The following WRN variants were observed in gnomAD, a reference collection of about 807,000 sequenced individuals.
WRN encodes the protein WRN RecQ like helicase, also known as bifunctional 3'-5' exonuclease/ATP-dependent helicase WRN.
A neutral mutation model predicts 180.7 loss-of-function variants in WRN; 149 were observed. The ratio of observed to expected loss-of-function variants is 0.82; its 90% CI spans 0.72 to 0.94. The LOEUF (loss-of-function observed/expected upper bound fraction) is 0.94, where lower values mean the gene tolerates loss of function less well. WRN is among the 40% of genes least tolerant of loss of function. The pLI is 0.00. For synonymous variants in WRN, 548 were observed against 568.9 expected (o/e 0.96, Z 0.52); for missense variants, 1,661 against 1,700.1 (o/e 0.98, Z 0.40).
intron 21 of WRN, 71 bp from the exon 22 acceptor site, chr8:31,124,451 A>G (rs1015900264): frequency 5.8e-6 from 7 of 1,197,582 alleles, no homozygotes; most frequent in Admixed American, 5.6e-5. Flanking sequence ...ACAGTAAAAA[A>G]TAAGTAAAAA....
Position 31,173,246 on chromosome 8 carries a change from T to A in WRN, c.*144T>A. 1 of 811,136 alleles carries A rather than the reference T, an allele frequency of 1.2e-6. No homozygotes were observed. The highest frequency in any genetic ancestry group is 2.0e-6 in the Non-Finnish European group (1 of 495,240). The allele number at this position is 811,136 out of a possible 1,614,324, so 50.2% of individuals were successfully genotyped here. A position where few individuals can be genotyped will look rare whatever the true frequency, so the allele number is the denominator to read the frequency against. On this transcript the variant is annotated 3_prime_UTR_variant, in exon 35 of 35. Coordinates refer to ENST00000298139, the MANE Select transcript of WRN (RefSeq NM_000553.6). ...ACTGTTTATTGAAGAACTGGCATCTTAAATCAGCCTTCCGCAATTCATGTA... is the reference window on the plus strand; with the variant it reads ...ACTGTTTATTGAAGAACTGGCATCTAAAATCAGCCTTCCGCAATTCATGTA...
intron 30 of WRN, among the ~76,000 whole-genome samples, chr8:31,149,323 G>C (rs909385743): frequency 6.6e-6 from 1 of 151,448 alleles, no homozygotes; most frequent in African/African-American, 2.4e-5. Flanking sequence ...CGTGAACCCG[G>C]GAGGCGGAGC....
chr8:31,163,974 T>G (rs1803745085), intron 33 of WRN, among the ~76,000 whole-genome samples: 1 of 151,928 alleles, frequency 6.6e-6, no homozygotes, highest in African/African-American at 2.4e-5. Context: ...CACTTCAGCC[T>G]TCCAAGTAGC....
chr8:31,041,364 C>T (rs1018699219), intron 1 of WRN, among the ~76,000 whole-genome samples: 5 of 152,144 alleles, frequency 3.3e-5, no homozygotes, highest in African/African-American at 2.4e-5. Flanking sequence ...TTCAGGCCTT[C>T]AACAAATTGA....
rs78313486 is a variant in WRN, at chr8:31,061,220, C to T, written c.209+1955C>T. ...CTTGAATAGTTTTGTTTCCTGTCTT[C>T]AAGTTCACTTATATTTTTTTCTTCT... On this transcript the variant is annotated intron_variant, in intron 3 of 34. Transcript: ENST00000298139. 4.8e-3 allele frequency among the ~76,000 whole-genome samples: 723 copies of T among 152,094 alleles called. 31 individuals are homozygous for T. In the East Asian group the frequency reaches 0.11, roughly 23 times the overall value.
At chr8:31,054,904 C>T (rs140382506) in intron 1 of WRN, among the ~76,000 whole-genome samples, 2 of 152,122 alleles carry the variant, frequency 1.3e-5, no homozygotes, top group Admixed American at 1.3e-4. Context: ...TCCTCCAGGA[C>T]CCAGTGTGTG....
intron 30 of WRN, among the ~76,000 whole-genome samples, chr8:31,149,385 A>G (rs1231551746): frequency 6.9e-6 from 1 of 145,792 alleles, no homozygotes; most frequent in Non-Finnish European, 1.5e-5. Context: ...TGACAGAGCG[A>G]GACTCCGTCT....
At chr8:31,040,564 A>G (rs1486157010) in intron 1 of WRN, among the ~76,000 whole-genome samples, 1 of 152,244 alleles carries the variant, frequency 6.6e-6, no homozygotes, top group Non-Finnish European at 1.5e-5. Flanking sequence ...AAATGTTTCA[A>G]GAAGATGGGT....
intron 33 of WRN, among the ~76,000 whole-genome samples, chr8:31,158,767 A>C (rs2130486220): frequency 6.6e-6 from 1 of 152,222 alleles, no homozygotes; most frequent in South Asian, 2.1e-4. Flanking sequence ...CTAAAGAACA[A>C]ACAGCTCCTT....
Position 31,064,423 on chromosome 8 carries a change from C to T in WRN, c.344C>T (p.Ser115Phe), listed in dbSNP as rs1362437279. 4.3e-6 allele frequency: 7 copies of T among 1,613,962 alleles called. No individual in the cohort carries two copies. Among genetic ancestry groups the T allele is most frequent in the Middle Eastern group, 1.6e-4 (1 of 6,084 alleles). Residue 115 changes from serine to phenylalanine, a missense_variant, in exon 4 of 35, where the codon TCT becomes TTT. By Grantham distance (155) the Ser-to-Phe change is radical. Transcript: ENST00000298139. ...AGCAAATGTTACTTGTTCCACGTTT[C>T]TTCCATGTCAGGTTGGTATCTCTAC... is the stretch of plus-strand genomic sequence containing the variant. ...SESKCYLFHV[S>F]SMSVFPQGLK...
At chr8:31,097,183 A>G (rs147529127) in intron 17 of WRN, among the ~76,000 whole-genome samples, 69 of 152,334 alleles carry the variant, frequency 4.5e-4, no homozygotes, top group East Asian at 1.5e-3. Flanking sequence ...ACTTAAACAT[A>G]TTGTTGAATG....
chr8:31,059,054 G>GA (rs1388469582), intron 2 of WRN, 99 bp from the exon 3 acceptor site: 6 of 919,400 alleles, frequency 6.5e-6, no homozygotes, highest in African/African-American at 4.9e-5. Flanking sequence ...ATAAAACTTA[G>GA]AACTATAAAT....
chr8:31,058,151 T>C (rs1812346109), intron 1 of WRN, among the ~76,000 whole-genome samples: 1 of 152,146 alleles, frequency 6.6e-6, no homozygotes. Context: ...AGTCATAAAA[T>C]AATAGAATTT....
intron 11 of WRN, among the ~76,000 whole-genome samples, chr8:31,087,431 G>A (rs1027387205): frequency 6.6e-6 from 1 of 152,140 alleles, no homozygotes; most frequent in South Asian, 2.1e-4. Context: ...TAAAATCCAC[G>A]TTTACTACTT....
intron 17 of WRN, among the ~76,000 whole-genome samples, chr8:31,099,846 G>A (rs745456715): frequency 1.3e-5 from 2 of 152,120 alleles, no homozygotes; most frequent in African/African-American, 2.4e-5. Context: ...AATTTTTAGA[G>A]CATCTAGAAA....
chr8:31,068,218 A>G (rs1461023095), intron 6 of WRN, 40 bp from the exon 7 acceptor site: 2 of 1,448,618 alleles, frequency 1.4e-6, no homozygotes, highest in Admixed American at 3.7e-5. Flanking sequence ...TATTTCGGTG[A>G]TCTTTAGCAT....
chr8:31,140,966 A>G (rs986105181), intron 24 of WRN, among the ~76,000 whole-genome samples: 3 of 152,094 alleles, frequency 2.0e-5, no homozygotes, highest in Admixed American at 2.0e-4. Context: ...CATGTTAGCC[A>G]TGATGGTCTC....
intron 16 of WRN, 40 bp from the exon 17 acceptor site, chr8:31,096,728 G>GTTTTTTTTTTTTTTTTTT: frequency 1.6e-5 from 18 of 1,160,178 alleles, no homozygotes; most frequent in South Asian, 7.2e-5. Context: ...TTCCCTTCCT[G>GTTTTTTTTTTTTTTTTTT]TTTTTTTTTT....
chr8:31,049,119 G>A (rs575451085), intron 1 of WRN, among the ~76,000 whole-genome samples: 6 of 138,356 alleles, frequency 4.3e-5, no homozygotes, highest in Admixed American at 8.0e-5. Context: ...GCTGAGGCAG[G>A]AGAATGGCGT....
Sources: allele counts gnomAD v4.1 joint callset (sites outside exome capture counted in the v4.1 genomes callset), GRCh38; gene constraint gnomAD v4.1.1; transcripts MANE v1.5; gene names NCBI Gene and HGNC (gene_info 2026-07-23, HGNC 2026-07-21).